ARHGAP12: variants seen among roughly 807,000 people sequenced by gnomAD.
The protein encoded by ARHGAP12 is rho GTPase-activating protein 12.
In ARHGAP12, 64 loss-of-function variants were observed where a neutral mutation model predicts 108.6. The ratio of observed to expected loss-of-function variants is 0.59; its 90% CI spans 0.48 to 0.73. The LOEUF is 0.73. Ranked by LOEUF, ARHGAP12 falls within the 30% of genes least tolerant of loss-of-function variation. The pLI is 0.00. For missense variants in ARHGAP12, 940 were observed against 1,005.9 expected (o/e 0.93, Z 0.89); for synonymous variants, 312 against 337.2 (o/e 0.93, Z 0.82).
At chr10:31,916,806 G>A (rs552631610) in intron 1 of ARHGAP12, among the ~76,000 whole-genome samples, 1 of 152,036 alleles carries the variant, frequency 6.6e-6, no homozygotes, top group South Asian at 2.1e-4. Flanking sequence ...TAGTACAGAT[G>A]GGGTTTCACC....
At chr10:31,869,635 G>A (rs929937762) in intron 3 of ARHGAP12, among the ~76,000 whole-genome samples, 1 of 151,926 alleles carries the variant, frequency 6.6e-6, no homozygotes, top group African/African-American at 2.4e-5. Context: ...ATTAACAATT[G>A]AATTGGGACC....
rs1000945267 is a variant in ARHGAP12, at chr10:31,807,894, G to A, written c.2367-62C>T. Reference sequence around the variant, plus strand: ...AAGAGAGAGGGAAAATTCTTCAAATGGTATTATAAACCTAACAGTTTGCAT... The same window carrying A: ...AAGAGAGAGGGAAAATTCTTCAAATAGTATTATAAACCTAACAGTTTGCAT... On this transcript the variant is annotated intron_variant, in intron 19 of 19. Transcript: ENST00000344936. 4 of 1,273,312 alleles carry A rather than the reference G, an allele frequency of 3.1e-6. No homozygotes were observed. The African/African-American group carries it at 4.6e-5, about 15-fold the overall frequency. The allele number at this position is 1,273,312 out of a possible 1,614,324, so 78.9% of individuals were successfully genotyped here.
At chr10:31,810,523 A>C in intron 16 of ARHGAP12, 126 bp downstream of exon 16, 1 of 601,180 alleles carries the variant, frequency 1.7e-6, no homozygotes, top group South Asian at 2.4e-5. Flanking sequence ...TTTTCTTAAC[A>C]TCTTAGGACT....
rs930588024 is a variant in ARHGAP12 at position 31,839,619 on chromosome 10, T to G, written c.1371+18A>C. ...AATAACTGGACTACATTATAAGATA[T>G]GCTTCTATCATACTAACTGTATCTT... On this transcript the variant is annotated intron_variant, in intron 8 of 19. Transcript: ENST00000344936. 1 of 1,574,520 alleles carries G rather than the reference T, an allele frequency of 6.4e-7. No homozygotes were observed. The highest frequency in any genetic ancestry group is 1.4e-5 in the African/African-American group (1 of 73,994).
intron 9 of ARHGAP12, among the ~76,000 whole-genome samples, chr10:31,836,976 C>T (rs1333210060): frequency 6.6e-6 from 1 of 152,012 alleles, no homozygotes; most frequent in Non-Finnish European, 1.5e-5. Context: ...GAAACATTGG[C>T]GAGGCAGTTC....
Position 31,870,344 on chromosome 10 carries a change from C to A in ARHGAP12, c.685-8686G>T, listed in dbSNP as rs537083277. 5.3e-5 allele frequency among the ~76,000 whole-genome samples: 8 copies of A among 151,984 alleles called. No individual in the cohort carries two copies. In the East Asian group the frequency reaches 7.8e-4, roughly 15 times the overall value. ...TCCTGCGTTCAAGCAAATTCTCCTG[C>A]CTCAGCCTCCTGAGTAGCTGGGATT... is the stretch of plus-strand genomic sequence containing the variant. On this transcript the variant is annotated intron_variant, in intron 3 of 19. Coordinates refer to ENST00000344936, the MANE Select transcript of ARHGAP12 (RefSeq NM_018287.7).
At chr10:31,859,452 G>C (rs1228220454) in intron 4 of ARHGAP12, among the ~76,000 whole-genome samples, 1 of 137,488 alleles carries the variant, frequency 7.3e-6, no homozygotes, top group Non-Finnish European at 1.6e-5. Flanking sequence ...AAATATGAGA[G>C]GAGAAGACAG....
intron 14 of ARHGAP12, among the ~76,000 whole-genome samples, chr10:31,813,311 T>G (rs1173752220): frequency 6.6e-6 from 1 of 152,164 alleles, no homozygotes; most frequent in African/African-American, 2.4e-5. Context: ...ATAACTATTA[T>G]ACTTGTATTT....
In ARHGAP12 at chr10:31,895,838, C is replaced by T. The variant is rs1436617128; in HGVS notation, c.684+12334G>A. Among the ~76,000 whole-genome samples, 8 of 152,076 alleles carry T rather than the reference C, an allele frequency of 5.3e-5. No homozygotes were observed. In the South Asian group the frequency reaches 6.2e-4, roughly 12 times the overall value. ...ACAATAGCAAAGTCTTGGAACCAAC[C>T]CAAATGTCCAACAATGATAGACTGC... On this transcript the variant is annotated intron_variant, in intron 3 of 19. Coordinates refer to ENST00000344936, the MANE Select transcript of ARHGAP12 (RefSeq NM_018287.7).
intron 10 of ARHGAP12, among the ~76,000 whole-genome samples, chr10:31,827,126 C>T (rs555705732): frequency 5.3e-5 from 8 of 152,204 alleles, no homozygotes; most frequent in South Asian, 2.1e-4. Flanking sequence ...TACAGAGGTA[C>T]GCCTCACACA....
At chr10:31,831,928 A>G (rs186098911) in intron 9 of ARHGAP12, 128 bp from the exon 10 acceptor site, 251 of 480,820 alleles carry the variant, frequency 5.2e-4, no homozygotes, top group South Asian at 4.1e-3. Context: ...GTCAATGTGT[A>G]ACATGCGTAG....
chr10:31,861,445 G>T lies in ARHGAP12; in HGVS notation c.898C>A (p.Arg300=). The change falls in exon 4 of 20, where the codon CGG becomes AGG. Residue 300 remains arginine, a synonymous_variant. Coordinates refer to ENST00000344936, the MANE Select transcript of ARHGAP12 (RefSeq NM_018287.7). ...ERTWKPPRWT[R]DASISKGDFQ... ...TCTCCTTTGCTGATGCTTGCATCCC[G>T]AGTCCAACGAGGAGGTTTCCAAGTT... is the stretch of plus-strand genomic sequence containing the variant. 1 of 1,614,098 alleles carries T rather than the reference G, an allele frequency of 6.2e-7. No homozygotes were observed. Among genetic ancestry groups the T allele is most frequent in the Non-Finnish European group, 8.5e-7 (1 of 1,180,000 alleles).
chr10:31,874,506 T>C (rs1348759546), intron 3 of ARHGAP12, among the ~76,000 whole-genome samples: 2 of 152,226 alleles, frequency 1.3e-5, no homozygotes, highest in East Asian at 3.8e-4. Flanking sequence ...TTTTAAAGCA[T>C]TATTTCCTTA....
chr10:31,839,637 T>G lies in ARHGAP12; in HGVS notation c.1371A>C (p.Thr457=). ...TAAGATATGCTTCTATCATACTAAC[T>G]GTATCTTGGTGCTTTGGTGAGGAGG... The part of the protein sequence containing the change: ...SSPSSPKHQD[T]ASSPKDQEKY... The change falls in exon 8 of 20, where the codon ACA becomes ACC. Residue 457 remains threonine (T), a splice_region_variant and synonymous_variant. Coordinates refer to ENST00000344936, the MANE Select transcript of ARHGAP12 (RefSeq NM_018287.7). 6.2e-7 allele frequency: 1 copy of G among 1,601,320 alleles called. No homozygotes were observed.
At chr10:31,817,555 G>A (rs1835250884) in intron 13 of ARHGAP12, among the ~76,000 whole-genome samples, 1 of 152,126 alleles carries the variant, frequency 6.6e-6, no homozygotes, top group South Asian at 2.1e-4. Flanking sequence ...GCCAATGCCT[G>A]ATGTGAACAT....
intron 5 of ARHGAP12, 74 bp downstream of exon 5, chr10:31,853,992 C>T (rs1032767700): frequency 5.1e-5 from 73 of 1,419,240 alleles, no homozygotes; most frequent in Non-Finnish European, 6.6e-5. Flanking sequence ...TTTTTAAATA[C>T]TAAAACTGCA....
chr10:31,898,536 C>A (rs888643863), intron 3 of ARHGAP12, among the ~76,000 whole-genome samples: 7 of 152,198 alleles, frequency 4.6e-5, no homozygotes, highest in Non-Finnish European at 1.0e-4. Context: ...CAGGCGTGAG[C>A]ACCGCACCTG....
At chr10:31,875,630 A>C (rs1837701398) in intron 3 of ARHGAP12, among the ~76,000 whole-genome samples, 1 of 152,202 alleles carries the variant, frequency 6.6e-6, no homozygotes, top group South Asian at 2.1e-4. Context: ...GCCTGTCTAG[A>C]CACTATTCAT....
chr10:31,810,682 C>T lies in ARHGAP12; in HGVS notation c.2017G>A (p.Val673Met), dbSNP rs780601661. The T allele has an allele frequency of 4.4e-6, 7 of 1,604,886 alleles. No homozygotes were observed. The South Asian group carries it at 7.8e-5, about 18-fold the overall frequency. ...QRENGTVPKF[V>M]KLCIEHVEEH... ...TCAACATGTTCAATACATAACTTCA[C>T]AAACTTTGGTACTGTGCCATTCTCT... Residue 673 changes from valine to methionine, a missense_variant, in exon 16 of 20, where the codon GTG becomes ATG. Val to Met is a conservative substitution (Grantham distance 21). Coordinates refer to ENST00000344936, the MANE Select transcript of ARHGAP12 (RefSeq NM_018287.7).
Sources: allele counts gnomAD v4.1 joint callset (sites outside exome capture counted in the v4.1 genomes callset), GRCh38; gene constraint gnomAD v4.1.1; transcripts MANE v1.5; gene names NCBI Gene and HGNC (gene_info 2026-07-23, HGNC 2026-07-21).